ALK: variants seen among roughly 807,000 people sequenced by gnomAD.
The protein encoded by ALK is ALK tyrosine kinase receptor.
Under a neutral mutation model 163.1 loss-of-function variants are expected in ALK, and 74 were observed. That is an observed-to-expected ratio of 0.45 (90% confidence interval 0.38 to 0.55). ALK has a LOEUF of 0.55. ALK is among the 20% of genes least tolerant of loss of function. The probability of loss-of-function intolerance (pLI) is 0.00; values close to 1 mark genes in which losing one functional copy is unlikely to be tolerated. For missense variants in ALK, 2,063 were observed against 2,105.3 expected, an observed-to-expected ratio of 0.98 and a Z score of 0.39; for synonymous variants, 960 against 843.2, an observed-to-expected ratio of 1.14 and a Z score of -2.40.
At chr2:29,483,339 G>A (rs1192486468) in intron 4 of ALK, among the ~76,000 whole-genome samples, 1 of 152,224 alleles carries the variant, frequency 6.6e-6, no homozygotes, top group Non-Finnish European at 1.5e-5. Context: ...ATAGGACACA[G>A]GCATCAGGGC....
intron 4 of ALK, among the ~76,000 whole-genome samples, chr2:29,519,361 T>G (rs775603512): frequency 6.6e-6 from 1 of 152,196 alleles, no homozygotes; most frequent in Non-Finnish European, 1.5e-5. Flanking sequence ...GATTCCATGA[T>G]TGAAATATTT....
At chr2:29,205,433 C>G (rs1338355981) in intron 26 of ALK, among the ~76,000 whole-genome samples, 1 of 151,358 alleles carries the variant, frequency 6.6e-6, no homozygotes, top group East Asian at 1.9e-4. Context: ...ACCAACCAAC[C>G]AAACAACCAC....
At chr2:29,856,695 G>T (rs1367928532) in intron 1 of ALK, among the ~76,000 whole-genome samples, 1 of 152,214 alleles carries the variant, frequency 6.6e-6, no homozygotes, top group Non-Finnish European at 1.5e-5. Context: ...TGACTGAAGG[G>T]ATGAGTGGGT....
At chr2:29,411,051 T>A (rs946380849) in intron 4 of ALK, among the ~76,000 whole-genome samples, 1 of 152,254 alleles carries the variant, frequency 6.6e-6, no homozygotes, top group African/African-American at 2.4e-5. Context: ...TATATCCTTA[T>A]TCTGTATGCC....
At chr2:29,695,149 A>G in intron 2 of ALK, 135 bp from the exon 3 acceptor site, 3 of 926,216 alleles carry the variant, frequency 3.2e-6, no homozygotes, top group South Asian at 2.8e-5. Flanking sequence ...TCAGTTGTCA[A>G]TACCACAGGG....
chr2:29,208,916 A>G (rs28488723), intron 25 of ALK, among the ~76,000 whole-genome samples: 3,854 of 152,230 alleles, frequency 0.025, 163 homozygotes, highest in African/African-American at 0.088. Context: ...TAAAACTGAA[A>G]AAAAAAATAA....
intron 1 of ALK, among the ~76,000 whole-genome samples, chr2:29,805,270 C>T (rs1024837098): frequency 6.6e-6 from 1 of 152,154 alleles, no homozygotes; most frequent in Non-Finnish European, 1.5e-5. Flanking sequence ...CAAATAGGCT[C>T]GAGCTCCTGG....
chr2:29,412,128 C>A (rs1669739115), intron 4 of ALK, among the ~76,000 whole-genome samples: 1 of 151,994 alleles, frequency 6.6e-6, no homozygotes, highest in South Asian at 2.1e-4. Context: ...ATTGGTTGGA[C>A]CAAAAAGGTG....
intron 3 of ALK, among the ~76,000 whole-genome samples, chr2:29,552,355 G>T (rs576022448): frequency 2.4e-4 from 37 of 152,174 alleles, no homozygotes; most frequent in Non-Finnish European, 2.5e-4. Context: ...ATTTTTGGGG[G>T]TGTATATGCA....
At chr2:29,471,994 TG>T (rs912652781) in intron 4 of ALK, among the ~76,000 whole-genome samples, 31 of 152,136 alleles carry the variant, frequency 2.0e-4, no homozygotes, top group African/African-American at 5.6e-4. Context: ...CCACCCACCG[TG>T]GCCTCCCAAA....
At chr2:29,845,596 G>A (rs972107730) in intron 1 of ALK, among the ~76,000 whole-genome samples, 9 of 152,172 alleles carry the variant, frequency 5.9e-5, no homozygotes, top group African/African-American at 2.2e-4. Flanking sequence ...CATCATGACC[G>A]GCCAATTTTG....
chr2:29,543,756 T>G (rs894311924), intron 3 of ALK, among the ~76,000 whole-genome samples: 1 of 152,216 alleles, frequency 6.6e-6, no homozygotes, highest in African/African-American at 2.4e-5. Flanking sequence ...GCCACTTTGT[T>G]TTTCCATGGA....
intron 3 of ALK, among the ~76,000 whole-genome samples, chr2:29,553,486 A>G (rs1306778098): frequency 6.6e-6 from 1 of 152,176 alleles, no homozygotes; most frequent in Non-Finnish European, 1.5e-5. Context: ...TTACTCCTGC[A>G]TTTGCCACAT....
intron 1 of ALK, among the ~76,000 whole-genome samples, chr2:29,828,622 C>T (rs76348895): frequency 0.3 from 45,474 of 152,106 alleles, 7,129 homozygotes; most frequent in Non-Finnish European, 0.35. Flanking sequence ...GATACCATCT[C>T]ACACCTGTTA....
intron 1 of ALK, among the ~76,000 whole-genome samples, chr2:29,829,460 G>T (rs904086382): frequency 1.8e-4 from 28 of 152,108 alleles, no homozygotes; most frequent in African/African-American, 6.0e-4. Flanking sequence ...GTGGTTGTTT[G>T]TAAGAGCAGA....
chr2:29,675,935 A>T (rs1677859194), intron 3 of ALK, among the ~76,000 whole-genome samples: 1 of 152,064 alleles, frequency 6.6e-6, no homozygotes, highest in African/African-American at 2.4e-5. Flanking sequence ...TATATTGACC[A>T]GACTGGTCTT....
chr2:29,792,530 T>C (rs1664213385), intron 1 of ALK, among the ~76,000 whole-genome samples: 1 of 152,128 alleles, frequency 6.6e-6, no homozygotes, highest in African/African-American at 2.4e-5. Flanking sequence ...AAACACAAAA[T>C]GGTATTTCAC....
intron 3 of ALK, among the ~76,000 whole-genome samples, chr2:29,585,608 G>C (rs571582120): frequency 6.6e-6 from 1 of 152,104 alleles, no homozygotes; most frequent in African/African-American, 2.4e-5. Flanking sequence ...GATCACCCGC[G>C]TGAGCCACTG....
At chr2:29,378,349 G>A (rs1017776498) in intron 5 of ALK, among the ~76,000 whole-genome samples, 5 of 152,116 alleles carry the variant, frequency 3.3e-5, no homozygotes, top group Admixed American at 3.3e-4. Context: ...TTTCTACATG[G>A]CAAGGGAGAC....
Sources: allele counts gnomAD v4.1 joint callset (sites outside exome capture counted in the v4.1 genomes callset), GRCh38; gene constraint gnomAD v4.1.1; transcripts MANE v1.5; gene names NCBI Gene and HGNC (gene_info 2026-07-23, HGNC 2026-07-21).